SLF1: variants seen among roughly 807,000 people sequenced by gnomAD.
SLF1 encodes SMC5-SMC6 complex localization factor protein 1.
A neutral mutation model predicts 123.0 loss-of-function variants in SLF1; 105 were observed. The ratio of observed to expected loss-of-function variants is 0.85; its 90% CI spans 0.73 to 1.00. SLF1 has a LOEUF of 1.00. SLF1 is among the 50% of genes least tolerant of loss of function. The pLI, the probability that SLF1 is intolerant of heterozygous loss-of-function variation, is 0.00. For synonymous variants in SLF1, 434 were observed against 406.6 expected, an observed-to-expected ratio of 1.07 and a Z score of -0.81; for missense variants, 1,239 against 1,223.0, an observed-to-expected ratio of 1.01 and a Z score of -0.20.
intron 12 of SLF1, among the ~76,000 whole-genome samples, chr5:94,669,932 A>G (rs1198034880): frequency 6.6e-6 from 1 of 151,968 alleles, no homozygotes; most frequent in East Asian, 1.9e-4. Context: ...TGAAAAATTG[A>G]GAAATTAGAT....
At position 94,691,967 on chromosome 5, in the gene SLF1, A is replaced by G. The variant is rs1005691317; in HGVS notation, c.2513-107A>G. The G allele has an allele frequency of 4.0e-6, 4 of 1,010,610 alleles. No homozygotes were observed. The African/African-American group carries it at 6.5e-5, about 16-fold the overall frequency. 62.6% of individuals were successfully genotyped at this position (1,010,610 alleles called of 1,614,324 possible). Reference sequence around the variant, plus strand: ...TTTTATCACAGCATTCTTTTTGTATATGAAGCACCTAGAAAGTCACACTGA... The same window carrying G: ...TTTTATCACAGCATTCTTTTTGTATGTGAAGCACCTAGAAAGTCACACTGA... On this transcript the variant is annotated intron_variant, in intron 19 of 20. Transcript: ENST00000265140.
chr5:94,634,763 C>G (rs1334443894), intron 4 of SLF1, among the ~76,000 whole-genome samples: 1 of 152,082 alleles, frequency 6.6e-6, no homozygotes, highest in Admixed American at 6.5e-5. Context: ...AGCATTCTGA[C>G]AGAACTGAGA....
intron 6 of SLF1, among the ~76,000 whole-genome samples, chr5:94,651,021 G>A (rs916351585): frequency 6.6e-6 from 1 of 152,074 alleles, no homozygotes; most frequent in Non-Finnish European, 1.5e-5. Context: ...GGTCAACAAC[G>A]GACCCCATAT....
chr5:94,619,842 G>C (rs1200181974), intron 1 of SLF1, among the ~76,000 whole-genome samples: 1 of 152,102 alleles, frequency 6.6e-6, no homozygotes, highest in Admixed American at 6.6e-5. Context: ...ATATTAAAGA[G>C]TATATTTCTT....
At chr5:94,655,410 T>C (rs1266672217) in intron 9 of SLF1, among the ~76,000 whole-genome samples, 1 of 152,160 alleles carries the variant, frequency 6.6e-6, no homozygotes, top group Admixed American at 6.5e-5. Context: ...TCCTTCTTGC[T>C]CAGCATTGCT....
intron 9 of SLF1, among the ~76,000 whole-genome samples, chr5:94,661,278 G>A (rs754630021): frequency 6.7e-6 from 1 of 150,016 alleles, no homozygotes. Context: ...CTGTGTAGAT[G>A]TCTCTTGTTT....
At chr5:94,669,771 A>G (rs921721976) in intron 12 of SLF1, among the ~76,000 whole-genome samples, 2 of 152,062 alleles carry the variant, frequency 1.3e-5, no homozygotes, top group Admixed American at 6.5e-5. Context: ...TGGGTAAGAA[A>G]GAGGAGGATT....
chr5:94,630,527 A>G lies in SLF1; in HGVS notation c.215A>G (p.Tyr72Cys), dbSNP rs1470170701. Residue 72 changes from tyrosine (Y) to cysteine (C), a missense_variant, in exon 4 of 21, where the codon TAT becomes TGT. By Grantham distance (194) the Tyr-to-Cys change is radical. Transcript: ENST00000265140. Reference protein sequence around the residue: ...AAGKWILTKDYIIHSAKSGRW... With the variant: ...AAGKWILTKDCIIHSAKSGRW... ...GGAAAGTGGATACTAACCAAGGACT[A>G]TATAATTCATAGTGCCAAAAGTGGC... 6.4e-6 allele frequency: 10 copies of G among 1,551,698 alleles called. No homozygotes were observed. Among genetic ancestry groups the G allele is most frequent in the Non-Finnish European group, 8.7e-6 (10 of 1,146,956 alleles).
At chr5:94,679,078 T>C in intron 15 of SLF1, 123 bp downstream of exon 15, 1 of 1,068,600 alleles carries the variant, frequency 9.4e-7, no homozygotes, top group South Asian at 1.6e-5. Context: ...TAGTTATGGA[T>C]GCACGCACAC....
chr5:94,686,747 C>G (rs770580479), intron 16 of SLF1, 29 bp downstream of exon 16: 6 of 1,577,424 alleles, frequency 3.8e-6, no homozygotes, highest in Non-Finnish European at 5.1e-6. Flanking sequence ...TGGTTCTTTA[C>G]ATTTTCAAGA....
rs1753436959 is a variant in SLF1, at chr5:94,695,138, TG to T, written c.3004del (p.Val1002PhefsTer14). ...ACKSHKETTS[V>X]HTDWLLDLYA... ...GTAAAAGTCATAAAGAAACCACCAGTGTTCATACTGACTGGTTACTGGATCT... is the reference window on the plus strand; with the variant it reads ...GTAAAAGTCATAAAGAAACCACCAGTTTCATACTGACTGGTTACTGGATCT... On this transcript the variant is annotated frameshift_variant, in exon 21 of 21. Coordinates refer to ENST00000265140, the MANE Select transcript of SLF1 (RefSeq NM_032290.4). LOFTEE classifies it high-confidence loss of function. 1 of 1,612,568 alleles carries T rather than the reference TG, an allele frequency of 6.2e-7. No individual in the cohort carries two copies. The highest frequency in any genetic ancestry group is 8.5e-7 in the Non-Finnish European group (1 of 1,179,136).
chr5:94,620,716 T>C (rs915543050), intron 1 of SLF1, among the ~76,000 whole-genome samples: 4 of 152,186 alleles, frequency 2.6e-5, no homozygotes, highest in African/African-American at 9.6e-5. Context: ...ACTCTTGTAG[T>C]TGACTCTTTG....
At chr5:94,659,549 G>A (rs1585169952) in intron 9 of SLF1, among the ~76,000 whole-genome samples, 1 of 152,350 alleles carries the variant, frequency 6.6e-6, no homozygotes, top group Non-Finnish European at 1.5e-5. Flanking sequence ...TTTGCCAGAT[G>A]TGAGCACATT....
rs777717295 is a variant in SLF1, at chr5:94,654,601, C to T, written c.1033-29C>T. 3.5e-5 allele frequency: 53 copies of T among 1,503,882 alleles called. No homozygotes were observed. The African/African-American group carries it at 6.3e-4, about 18-fold the overall frequency. The allele number at this position is 1,503,882 out of a possible 1,614,324, so 93.2% of individuals were successfully genotyped here. A position where few individuals can be genotyped will look rare whatever the true frequency, so the allele number is the denominator to read the frequency against. ...GTTGACACTGTCTTTAGTACATTTT[C>T]TAAAGTCATTTTACTTTGCTATATG... On this transcript the variant is annotated intron_variant, in intron 8 of 20. Transcript: ENST00000265140.
intron 11 of SLF1, among the ~76,000 whole-genome samples, chr5:94,664,540 G>A (rs1282708729): frequency 6.6e-6 from 1 of 152,118 alleles, no homozygotes; most frequent in Admixed American, 6.6e-5. Flanking sequence ...AAACCAATAG[G>A]AACAAATATT....
At chr5:94,638,162 TTTC>T (rs1360579083) in intron 4 of SLF1, among the ~76,000 whole-genome samples, 14 of 151,836 alleles carry the variant, frequency 9.2e-5, no homozygotes, top group Admixed American at 1.3e-4. Context: ...CCTTGCTTTG[TTTC>T]TTCTTCTTCT....
chr5:94,650,511 C>T (rs1030273960), intron 6 of SLF1, among the ~76,000 whole-genome samples: 2 of 151,912 alleles, frequency 1.3e-5, no homozygotes, highest in Admixed American at 6.6e-5. Flanking sequence ...TACAGGAGCC[C>T]GCCATTGCGC....
chr5:94,624,718 G>A (rs998140059), intron 1 of SLF1, among the ~76,000 whole-genome samples: 1 of 151,784 alleles, frequency 6.6e-6, no homozygotes, highest in African/African-American at 2.4e-5. Context: ...TGTATATTCC[G>A]ATTATTTAAC....
At chr5:94,686,926 A>G (rs1474012522) in intron 16 of SLF1, among the ~76,000 whole-genome samples, 1 of 152,096 alleles carries the variant, frequency 6.6e-6, no homozygotes, top group Admixed American at 6.5e-5. Flanking sequence ...TAGCTGGGCT[A>G]CAGGCGCCCA....
Sources: gnomAD v4.1 joint callset for allele counts (sites outside exome capture counted in the v4.1 genomes callset) on GRCh38, gnomAD v4.1.1 for gene constraint, MANE v1.5 for transcripts, NCBI Gene and HGNC (gene_info 2026-07-23, HGNC 2026-07-21) for gene names.